The following JCAD variants were observed in gnomAD, a reference collection of about 807,000 sequenced individuals.
The protein encoded by JCAD is junctional cadherin 5 associated.
JCAD carries 40 observed loss-of-function variants against 98.0 expected under a neutral mutation model. The observed-to-expected ratio is 0.41, with a 90% CI of 0.32 to 0.53. The LOEUF (loss-of-function observed/expected upper bound fraction) is 0.53. Ranked by LOEUF, JCAD falls within the 20% of genes least tolerant of loss-of-function variation. The pLI, the probability that JCAD is intolerant of heterozygous loss-of-function variation, is 0.31. For missense variants in JCAD, 1,705 were observed against 1,738.1 expected (o/e 0.98, Z 0.34); for synonymous variants, 691 against 682.3 (o/e 1.01, Z -0.20).
At chr10:30,106,569 C>T (rs1253656642) in intron 1 of JCAD, among the ~76,000 whole-genome samples, 6 of 152,180 alleles carry the variant, frequency 3.9e-5, no homozygotes, top group African/African-American at 1.4e-4. Flanking sequence ...GGCACTATCT[C>T]GGCTTACCGC....
At position 30,027,501 on chromosome 10, in the gene JCAD, C is replaced by G. The variant is rs1836851823; in HGVS notation, c.2647G>C (p.Gly883Arg). The G allele has an allele frequency of 6.2e-7, 1 of 1,609,540 alleles. No individual in the cohort carries two copies. The highest frequency in any genetic ancestry group is 1.3e-5 in the African/African-American group (1 of 74,926). The change falls in exon 3 of 4, where the codon GGA (glycine) becomes CGA (arginine). Residue 883 changes from glycine to arginine, a missense_variant. Gly to Arg is a moderately radical substitution (Grantham distance 125). Coordinates refer to ENST00000375377, the MANE Select transcript of JCAD (RefSeq NM_020848.4). ...TCAACCCTCATTTCCGGGCTGTTTC[C>G]GCGGAAGCCCACATCCTCCTGTCTG... ...HCRQEDVGFR[G>R]NSPEMRVEPQ...
intron 1 of JCAD, among the ~76,000 whole-genome samples, chr10:30,113,024 T>C (rs1042765950): frequency 6.6e-6 from 1 of 152,192 alleles, no homozygotes; most frequent in African/African-American, 2.4e-5. Context: ...TGGCAATGGT[T>C]GCATGACATC....
chr10:30,112,570 T>G (rs148572104), intron 1 of JCAD, among the ~76,000 whole-genome samples: 1 of 152,136 alleles, frequency 6.6e-6, no homozygotes, highest in Non-Finnish European at 1.5e-5. Context: ...ATGTATGATT[T>G]CATTTATATG....
chr10:30,037,075 C>T (rs1334000478), intron 2 of JCAD, among the ~76,000 whole-genome samples: 1 of 152,212 alleles, frequency 6.6e-6, no homozygotes, highest in Non-Finnish European at 1.5e-5. Context: ...CAGCGTTCTC[C>T]TCTGGTTGGC....
At chr10:30,042,884 G>GGCCCCTGA (rs1277771687) in intron 2 of JCAD, among the ~76,000 whole-genome samples, 3 of 152,144 alleles carry the variant, frequency 2.0e-5, no homozygotes, top group African/African-American at 7.2e-5. Context: ...GGGCAAGGAG[G>GGCCCCTGA]GCCCCTGAGC....
chr10:30,019,409 G>T (rs1836611575), intron 3 of JCAD, among the ~76,000 whole-genome samples: 1 of 151,184 alleles, frequency 6.6e-6, no homozygotes, highest in Non-Finnish European at 1.5e-5. Flanking sequence ...CACACACAAT[G>T]GGATATTATT....
intron 3 of JCAD, among the ~76,000 whole-genome samples, chr10:30,022,382 G>A (rs201865170): frequency 2.0e-5 from 3 of 149,924 alleles, no homozygotes; most frequent in South Asian, 2.1e-4. Context: ...GGGTCATGGG[G>A]GCAGCAGTGC....
chr10:30,076,953 C>T (rs1837992949), intron 1 of JCAD, among the ~76,000 whole-genome samples: 2 of 152,186 alleles, frequency 1.3e-5, no homozygotes, highest in South Asian at 4.2e-4. Flanking sequence ...GCACATTCCC[C>T]AGCAGAACTG....
intron 1 of JCAD, among the ~76,000 whole-genome samples, chr10:30,076,315 C>G (rs1304439055): frequency 6.6e-6 from 1 of 152,160 alleles, no homozygotes; most frequent in African/African-American, 2.4e-5. Flanking sequence ...GTGTGAGCCA[C>G]CGTGCCCAGC....
In JCAD at chr10:30,013,632, GA is replaced by G. The variant is rs1384105480; in HGVS notation, c.*4250del. On this transcript the variant is annotated 3_prime_UTR_variant, in exon 4 of 4. Transcript: ENST00000375377. ...GGGGCAGGGGTGAAGGGAGGTGGAA[GA>G]AAGAAGAGATGGTCCTTTGGCTTGG... 4 of 152,398 alleles carry G rather than the reference GA, an allele frequency of 2.6e-5. No homozygotes were observed. The East Asian group carries it at 7.7e-4, about 29-fold the overall frequency. The allele number at this position is 152,398 out of a possible 1,614,324, so 9.4% of individuals were successfully genotyped here. A position where few individuals can be genotyped will look rare whatever the true frequency, so the allele number is the denominator to read the frequency against.
chr10:30,061,067 A>G (rs1172883753), upstream of JCAD, among the ~76,000 whole-genome samples: 1 of 152,230 alleles, frequency 6.6e-6, no homozygotes, highest in African/African-American at 2.4e-5. Flanking sequence ...CTCGAGAACC[A>G]GGTAGCTCAG....
At chr10:30,031,468 G>C (rs1836988650) in intron 2 of JCAD, among the ~76,000 whole-genome samples, 1 of 125,518 alleles carries the variant, frequency 8.0e-6, no homozygotes, top group African/African-American at 3.1e-5. Flanking sequence ...TTTTGAGACT[G>C]AGTCTCGCTT....
rs1391524550 is a variant in JCAD at position 30,029,282 on chromosome 10, A to C, written c.866T>G (p.Phe289Cys). The C allele has an allele frequency of 2.5e-6, 4 of 1,613,942 alleles. No homozygotes were observed. Among genetic ancestry groups the C allele is most frequent in the Admixed American group, 1.7e-5 (1 of 59,990 alleles). ...GCSAPFPRPK[F>C]GRPLKPPSYS... ...AGATGGGGGCTTGAGGGGCCTCCCA[A>C]ACTTAGGCCGGGGAAATGGGGCTGA... The change falls in exon 3 of 4, where the codon TTT becomes TGT. Residue 289 changes from phenylalanine to cysteine, a missense_variant. Coordinates refer to ENST00000375377, the MANE Select transcript of JCAD (RefSeq NM_020848.4).
At chr10:30,073,681 G>GCTTGCTTCCTTC (rs1837933692) in intron 1 of JCAD, among the ~76,000 whole-genome samples, 1 of 137,896 alleles carries the variant, frequency 7.3e-6, no homozygotes, top group Non-Finnish European at 1.5e-5. Flanking sequence ...TTCCTTCCTT[G>GCTTGCTTCCTTC]CTTCCTTCCT....
chr10:30,092,034 CAAAAAAAAAAAAAAAA>C (rs1198107053), intron 1 of JCAD, among the ~76,000 whole-genome samples: 58 of 35,400 alleles, frequency 1.6e-3, no homozygotes, highest in Middle Eastern at 0.031. Context: ...TCCCCCACCA[CAAAAAAAAAAAAAAAA>C]AAAAAAAAAA....
intron 1 of JCAD, among the ~76,000 whole-genome samples, chr10:30,093,517 G>A (rs1446242079): frequency 6.6e-6 from 1 of 152,232 alleles, no homozygotes. Flanking sequence ...AGAACAAACT[G>A]AGAAAGAGGC....
chr10:30,076,571 A>G (rs548408995), intron 1 of JCAD, among the ~76,000 whole-genome samples: 3 of 152,310 alleles, frequency 2.0e-5, no homozygotes, highest in African/African-American at 7.2e-5. Context: ...AGCTAGATAT[A>G]GAAACAAGCC....
At chr10:30,073,851 A>C (rs1474153574) in intron 1 of JCAD, among the ~76,000 whole-genome samples, 1 of 152,186 alleles carries the variant, frequency 6.6e-6, no homozygotes, top group Non-Finnish European at 1.5e-5. Context: ...CAAAGTGTTT[A>C]GTCAAGATTT....
intron 1 of JCAD, among the ~76,000 whole-genome samples, chr10:30,054,970 A>G (rs977027977): frequency 6.6e-6 from 1 of 152,238 alleles, no homozygotes; most frequent in African/African-American, 2.4e-5. Context: ...CGCCCGGCCG[A>G]AAATGCATCT....
Sources: gnomAD v4.1 joint callset for allele counts (sites outside exome capture counted in the v4.1 genomes callset) on GRCh38, gnomAD v4.1.1 for gene constraint, MANE v1.5 for transcripts, NCBI Gene and HGNC (gene_info 2026-07-23, HGNC 2026-07-21) for gene names.